GPR84: variants seen among roughly 807,000 people sequenced by gnomAD.
GPR84 encodes the protein G-protein coupled receptor 84.
GPR84 carries 8 observed loss-of-function variants against 14.9 expected under a neutral mutation model. That is an observed-to-expected ratio of 0.54 (90% confidence interval 0.31 to 0.97). The LOEUF is 0.97. Ranked by LOEUF, GPR84 falls within the 50% of genes least tolerant of loss-of-function variation. The pLI is 0.04. For missense variants in GPR84, 424 were observed against 498.7 expected (o/e 0.85, Z 1.43); for synonymous variants, 164 against 198.1 (o/e 0.83, Z 1.45).
downstream of GPR84, among the ~76,000 whole-genome samples, chr12:54,361,329 C>T (rs1954266566): frequency 6.6e-6 from 1 of 151,206 alleles, no homozygotes; most frequent in Admixed American, 6.6e-5. This position sits in a 1 kb window ranked among gnomAD's most constrained non-coding sequence, Gnocchi z 4.3. Context: ...TTACAGGCAC[C>T]CGCCATCATG....
chr12:54,360,264 TAAGA>T (rs996496267), downstream of GPR84, among the ~76,000 whole-genome samples: 1 of 151,650 alleles, frequency 6.6e-6, no homozygotes, highest in African/African-American at 2.4e-5. Context: ...TTCACATTTG[TAAGA>T]AAGAAATTAT....
At position 54,363,575 on chromosome 12, in the gene GPR84, A is replaced by G; in HGVS notation, c.277T>C (p.Cys93Arg). The change falls in exon 2 of 2, where the codon TGC (cysteine) becomes CGC (arginine). Residue 93 changes from cysteine to arginine, a missense_variant. By Grantham distance (180) the Cys-to-Arg change is radical. Transcript: ENST00000267015. ...AAAAGGAGGAGCCCAAATACCCTGC[A>G]GAAGGTGGCACCGGTGCGCCAGTGC... The part of the protein sequence containing the change: ...HLHWRTGATF[C>R]RVFGLLLFAS... 6.2e-7 allele frequency: 1 copy of G among 1,614,178 alleles called. No homozygotes were observed. Among genetic ancestry groups the G allele is most frequent in the Non-Finnish European group, 8.5e-7 (1 of 1,180,012 alleles).
At chr12:54,360,163 C>T (rs530715466), downstream of GPR84, among the ~76,000 whole-genome samples, 2 of 152,066 alleles carry the variant, frequency 1.3e-5, no homozygotes, top group Non-Finnish European at 2.9e-5. Flanking sequence ...TTTAGAAAGG[C>T]GGATTTGAGA....
downstream of GPR84, among the ~76,000 whole-genome samples, chr12:54,361,664 C>G (rs1954270443): frequency 6.6e-6 from 1 of 152,196 alleles, no homozygotes; most frequent in African/African-American, 2.4e-5. The surrounding 1 kb of genome is among the most constrained non-coding windows in gnomAD (Gnocchi z 4.3). Context: ...AGCCACCGTG[C>G]CTGGCCCATA....
At chr12:54,353,326 C>T in the GPR84 span, among the ~76,000 whole-genome samples, 2 of 152,166 alleles carry the variant, frequency 1.3e-5, no homozygotes, top group Non-Finnish European at 2.9e-5. Flanking sequence ...CCAGGGAATG[C>T]TGGGAGGCCC....
downstream of GPR84, among the ~76,000 whole-genome samples, chr12:54,358,774 C>T (rs1312099140): frequency 6.6e-6 from 1 of 151,588 alleles, no homozygotes; most frequent in African/African-American, 2.4e-5. Flanking sequence ...CCCCATTTAG[C>T]TCCTTAACCC....
At chr12:54,358,573 A>G (rs1313567995), downstream of GPR84, among the ~76,000 whole-genome samples, 1 of 151,464 alleles carries the variant, frequency 6.6e-6, no homozygotes, top group African/African-American at 2.4e-5. Context: ...TTGCTTCTCT[A>G]ATGCTTTTCC....
rs1377658963 is a variant in GPR84, at chr12:54,363,144, A to C, written c.708T>G (p.Gly236=). Residue 236 remains glycine (G), a synonymous_variant, in exon 2 of 2, where the codon GGT becomes GGG. Transcript: ENST00000267015. ...ACCTGCTGTCCAGCTCCTGGAAACGACCAGGCATGGCCTCATCAGTCCTGG... is the reference window on the plus strand; with the variant it reads ...ACCTGCTGTCCAGCTCCTGGAAACGCCCAGGCATGGCCTCATCAGTCCTGG... ...HVARTDEAMP[G]RFQELDSRLA... is the part of the protein sequence containing the mutation. 11 of 1,614,010 alleles carry C rather than the reference A, an allele frequency of 6.8e-6. No homozygotes were observed. Among genetic ancestry groups the C allele is most frequent in the Non-Finnish European group, 9.3e-6 (11 of 1,180,020 alleles).
the GPR84 span, chr12:54,351,196 A>G: frequency 6.6e-6 from 1 of 152,586 alleles, no homozygotes. Context: ...TATAGCTTCA[A>G]AACTGCAGTG....
downstream of GPR84, among the ~76,000 whole-genome samples, chr12:54,357,907 C>T (rs1298797959): frequency 6.6e-6 from 1 of 152,156 alleles, no homozygotes; most frequent in East Asian, 1.9e-4. Flanking sequence ...CCCTATCTGC[C>T]TTCAATCCTT....
At chr12:54,357,366 C>T in the GPR84 span, among the ~76,000 whole-genome samples, 1 of 152,178 alleles carries the variant, frequency 6.6e-6, no homozygotes, top group African/African-American at 2.4e-5. Context: ...CTCTGTTTTC[C>T]TTAGGTCTCC....
chr12:54,353,309 C>T, the GPR84 span, among the ~76,000 whole-genome samples: 2,960 of 152,288 alleles, frequency 0.019, 101 homozygotes, highest in African/African-American at 0.064. Flanking sequence ...GAGCCTTTCC[C>T]TCTTTCCCAG....
chr12:54,362,089 G>A (rs1201876073), downstream of GPR84, among the ~76,000 whole-genome samples: 1 of 152,234 alleles, frequency 6.6e-6, no homozygotes, highest in East Asian at 1.9e-4. The surrounding 1 kb of genome is among the most constrained non-coding windows in gnomAD (Gnocchi z 4.0). Context: ...TGTAGGGATG[G>A]CGGATCCTGG....
downstream of GPR84, among the ~76,000 whole-genome samples, chr12:54,359,373 G>A (rs577795481): frequency 2.0e-5 from 3 of 148,604 alleles, no homozygotes; most frequent in African/African-American, 7.4e-5. Flanking sequence ...CAGCGAAAGA[G>A]AGAGAGCGTG....
At chr12:54,358,334 G>A (rs1954230121), downstream of GPR84, among the ~76,000 whole-genome samples, 1 of 152,098 alleles carries the variant, frequency 6.6e-6, no homozygotes, top group African/African-American at 2.4e-5. Context: ...CTTCATAGGG[G>A]AGGAGGAGGA....
Position 54,363,589 on chromosome 12 carries a change from G to A in GPR84, c.263C>T (p.Thr88Ile). The A allele has an allele frequency of 1.9e-6, 3 of 1,614,126 alleles. No homozygotes were observed. Among genetic ancestry groups the A allele is most frequent in the Admixed American group, 1.7e-5 (1 of 60,024 alleles). The stretch of plus-strand genomic sequence containing the variant: ...AAATACCCTGCAGAAGGTGGCACCG[G>A]TGCGCCAGTGCAGGTGGAGGTAGGT... ...VDTYLHLHWR[T>I]GATFCRVFGL... Residue 88 changes from threonine (T) to isoleucine (I), a missense_variant, in exon 2 of 2, where the codon ACC becomes ATC. Thr to Ile is a moderately conservative substitution (Grantham distance 89, BLOSUM62 -1). Coordinates refer to ENST00000267015, the MANE Select transcript of GPR84 (RefSeq NM_020370.3).
the GPR84 span, among the ~76,000 whole-genome samples, chr12:54,356,775 A>C: frequency 6.6e-6 from 1 of 152,196 alleles, no homozygotes; most frequent in East Asian, 1.9e-4. Context: ...GGGTCTGGTG[A>C]GGGAAAACTT....
At chr12:54,351,170 G>T in the GPR84 span, 1 of 153,336 alleles carries the variant, frequency 6.5e-6, no homozygotes, top group African/African-American at 2.4e-5. Context: ...AATGCATTCT[G>T]TACCCTGATC....
rs769774783 is a variant in GPR84 at position 54,363,785 on chromosome 12, C to G, written c.67G>C (p.Ala23Pro). ...HESVLGYRYVAVSWGVVVAVT... is the reference protein window; with the variant it reads ...HESVLGYRYVPVSWGVVVAVT... Reference sequence around the variant, plus strand: ...GCCACCACCACCCCCCAGCTAACTGCAACATAACGATAGCCCAGCACAGAC... The same window carrying G: ...GCCACCACCACCCCCCAGCTAACTGGAACATAACGATAGCCCAGCACAGAC... Residue 23 changes from alanine (A) to proline (P), a missense_variant, in exon 2 of 2, where the codon GCA becomes CCA. Coordinates refer to ENST00000267015, the MANE Select transcript of GPR84 (RefSeq NM_020370.3). 6.2e-7 allele frequency: 1 copy of G among 1,613,064 alleles called. No individual in the cohort carries two copies. Among genetic ancestry groups the G allele is most frequent in the African/African-American group, 1.3e-5 (1 of 74,892 alleles).
Sources: gnomAD v4.1 joint callset for allele counts (sites outside exome capture counted in the v4.1 genomes callset) on GRCh38, gnomAD v4.1.1 for gene constraint, Gnocchi (gnomAD v3.1) non-coding constraint, MANE v1.5 for transcripts, NCBI Gene and HGNC (gene_info 2026-07-23, HGNC 2026-07-21) for gene names.